The following POU2F1 variants were observed in gnomAD, a reference collection of about 807,000 sequenced individuals.
POU2F1 encodes POU class 2 homeobox 1, also known as POU domain, class 2, transcription factor 1.
In POU2F1, 16 loss-of-function variants were observed where a neutral mutation model predicts 84.9. The observed-to-expected ratio is 0.19, with a 90% confidence interval of 0.13 to 0.29. POU2F1 has a LOEUF of 0.29. POU2F1 is among the 10% of genes least tolerant of loss of function. POU2F1 has a pLI of 1.00. For missense variants in POU2F1, 738 were observed against 942.6 expected (o/e 0.78, Z 2.84); for synonymous variants, 368 against 368.3 (o/e 1.00, Z 0.01).
intron 1 of POU2F1, among the ~76,000 whole-genome samples, chr1:167,259,398 G>A (rs1177897267): frequency 2.0e-5 from 3 of 152,152 alleles, no homozygotes; most frequent in African/African-American, 7.2e-5. Context: ...ACCATCTACC[G>A]CAATTCAGTT....
intron 1 of POU2F1, among the ~76,000 whole-genome samples, chr1:167,330,217 A>T (rs1231857215): frequency 1.3e-5 from 2 of 152,188 alleles, no homozygotes; most frequent in Non-Finnish European, 2.9e-5. Context: ...ACTTTTGCAA[A>T]TGACTTTTTT....
chr1:167,303,680 A>C (rs933120485), intron 1 of POU2F1: 8 of 152,202 alleles, frequency 5.3e-5, no homozygotes, highest in Non-Finnish European at 1.2e-4. Context: ...AAAATGACTT[A>C]TCAAATATAT....
At chr1:167,309,906 A>T (rs2102596969) in intron 1 of POU2F1, among the ~76,000 whole-genome samples, 1 of 152,290 alleles carries the variant, frequency 6.6e-6, no homozygotes, top group South Asian at 2.1e-4. Context: ...ACATTCCATC[A>T]TTTATGAAGA....
intron 1 of POU2F1, among the ~76,000 whole-genome samples, chr1:167,252,925 C>G (rs1031536813): frequency 6.6e-6 from 1 of 152,152 alleles, no homozygotes; most frequent in Non-Finnish European, 1.5e-5. Context: ...CTGTGCTGAC[C>G]GCCATTTTGC....
intron 1 of POU2F1, among the ~76,000 whole-genome samples, chr1:167,273,649 A>G (rs1225205164): frequency 6.6e-6 from 1 of 152,222 alleles, no homozygotes; most frequent in African/African-American, 2.4e-5. Context: ...TCTTGGCCTC[A>G]GGCCAGTACC....
chr1:167,271,237 C>A (rs1652348938), intron 1 of POU2F1, among the ~76,000 whole-genome samples: 1 of 152,050 alleles, frequency 6.6e-6, no homozygotes, highest in African/African-American at 2.4e-5. Flanking sequence ...TTAAAAAGAA[C>A]ACCTAACTGG....
At chr1:167,386,957 T>C (rs915356373) in intron 8 of POU2F1, among the ~76,000 whole-genome samples, 10 of 152,208 alleles carry the variant, frequency 6.6e-5, no homozygotes, top group African/African-American at 2.4e-4. Flanking sequence ...TAGTAACTGC[T>C]ACTGCAATTA....
At chr1:167,289,487 C>G (rs1413869447) in intron 1 of POU2F1, among the ~76,000 whole-genome samples, 1 of 152,168 alleles carries the variant, frequency 6.6e-6, no homozygotes, top group East Asian at 1.9e-4. Flanking sequence ...GACATTCAGA[C>G]AAAGACAGAG....
At chr1:167,385,592 A>C (rs575139956) in intron 8 of POU2F1, among the ~76,000 whole-genome samples, 268 of 152,260 alleles carry the variant, frequency 1.8e-3, no homozygotes, top group Non-Finnish European at 2.9e-3. Flanking sequence ...AATGCAGCTG[A>C]AACAATAGGG....
chr1:167,417,116 G>A lies in POU2F1; in HGVS notation c.*1306G>A, dbSNP rs1034382126. On this transcript the variant is annotated 3_prime_UTR_variant, in exon 16 of 16. Transcript: ENST00000367866. ...TATACAAAAGAGGTGTGATGAGAAG[G>A]GTATAAGGTTACCACCTTTTCCTCT... 1 of 152,176 alleles carries A rather than the reference G, an allele frequency of 6.6e-6. No individual in the cohort carries two copies. Among genetic ancestry groups the A allele is most frequent in the Non-Finnish European group, 1.5e-5 (1 of 68,030 alleles). 9.4% of individuals were successfully genotyped at this position (152,176 alleles called of 1,614,324 possible).
chr1:167,373,251 A>G (rs1411902687), intron 5 of POU2F1, among the ~76,000 whole-genome samples: 3 of 152,238 alleles, frequency 2.0e-5, no homozygotes, highest in Non-Finnish European at 4.4e-5. Flanking sequence ...TTGATCAATC[A>G]GAACTTGTCA....
intron 2 of POU2F1, among the ~76,000 whole-genome samples, chr1:167,364,446 C>T (rs577596868): frequency 6.0e-4 from 71 of 119,062 alleles, no homozygotes; most frequent in Middle Eastern, 6.3e-3. Flanking sequence ...AGGAGAATGG[C>T]GTGAACCCGG....
intron 1 of POU2F1, among the ~76,000 whole-genome samples, chr1:167,315,251 A>G (rs1193022212): frequency 6.6e-6 from 1 of 152,196 alleles, no homozygotes; most frequent in Non-Finnish European, 1.5e-5. Context: ...ACTTCTGTGC[A>G]TTTATCCCAG....
At chr1:167,234,294 C>G (rs1371567205) in intron 1 of POU2F1, among the ~76,000 whole-genome samples, 1 of 152,196 alleles carries the variant, frequency 6.6e-6, no homozygotes, top group East Asian at 1.9e-4. Flanking sequence ...ATTTTGGAGA[C>G]ACAGACAATT....
intron 1 of POU2F1, among the ~76,000 whole-genome samples, chr1:167,242,285 T>C (rs558920566): frequency 2.6e-5 from 4 of 152,308 alleles, no homozygotes; most frequent in Middle Eastern, 3.4e-3. Flanking sequence ...AAAAAATAAA[T>C]GCCATGCACG....
intron 2 of POU2F1, among the ~76,000 whole-genome samples, chr1:167,343,627 G>A (rs1658002011): frequency 7.5e-6 from 1 of 133,588 alleles, no homozygotes; most frequent in Admixed American, 8.1e-5. Flanking sequence ...AGAAGCCAGG[G>A]GTCAATTTTT....
chr1:167,375,682 A>G (rs772317377), intron 6 of POU2F1, among the ~76,000 whole-genome samples: 2 of 152,228 alleles, frequency 1.3e-5, no homozygotes, highest in African/African-American at 4.8e-5. Context: ...GATCAATCAA[A>G]TATTTAAAAA....
chr1:167,283,193 T>C (rs941849572), intron 1 of POU2F1, among the ~76,000 whole-genome samples: 6 of 152,144 alleles, frequency 3.9e-5, no homozygotes, highest in African/African-American at 1.2e-4. Flanking sequence ...TTTAAAAATA[T>C]TTGAGCATCC....
Position 167,271,915 on chromosome 1 carries a change from T to C in POU2F1, c.61+50957T>C, listed in dbSNP as rs553251653. Reference sequence around the variant, plus strand: ...TAAAAAGCATAATATTTCATGACATTATAATTATATGAAATTGAAACATCA... The same window carrying C: ...TAAAAAGCATAATATTTCATGACATCATAATTATATGAAATTGAAACATCA... On this transcript the variant is annotated intron_variant, in intron 1 of 15. Coordinates refer to ENST00000367866, the MANE Select transcript of POU2F1 (RefSeq NM_002697.4). 2.0e-5 allele frequency among the ~76,000 whole-genome samples: 3 copies of C among 152,314 alleles called. No individual in the cohort carries two copies. The East Asian group carries it at 5.8e-4, about 29-fold the overall frequency.
Sources: allele counts gnomAD v4.1 joint callset (sites outside exome capture counted in the v4.1 genomes callset), GRCh38; gene constraint gnomAD v4.1.1; transcripts MANE v1.5; gene names NCBI Gene and HGNC (gene_info 2026-07-23, HGNC 2026-07-21).